The following PPHLN1 variants were observed in gnomAD, a reference collection of about 807,000 sequenced individuals.
PPHLN1 encodes periphilin 1.
A neutral mutation model predicts 51.3 loss-of-function variants in PPHLN1; 29 were observed. That is an observed-to-expected ratio of 0.57 (90% CI 0.42 to 0.77). PPHLN1 has a LOEUF of 0.77. PPHLN1 is among the 30% of genes least tolerant of loss of function. The pLI, the probability that PPHLN1 is intolerant of heterozygous loss-of-function variation, is 0.00. For synonymous variants in PPHLN1, 147 were observed against 147.8 expected (o/e 0.99, Z 0.04); for missense variants, 436 against 438.4 (o/e 0.99, Z 0.05).
At chr12:42,446,532 G>A (rs1306620694), downstream of PPHLN1, 29 of 1,582,510 alleles carry the variant, frequency 1.8e-5, no homozygotes, top group Non-Finnish European at 2.2e-5. Flanking sequence ...TCGCTTCTTA[G>A]TTAGAAAAGA....
intron 9 of PPHLN1, among the ~76,000 whole-genome samples, chr12:42,437,464 G>GT (rs2082579405): frequency 2.0e-5 from 3 of 152,134 alleles, no homozygotes; most frequent in African/African-American, 7.2e-5. Flanking sequence ...GGGCACAAAA[G>GT]TTAAGAAACC....
intron 3 of PPHLN1, among the ~76,000 whole-genome samples, chr12:42,352,455 G>A (rs2073481974): frequency 6.6e-6 from 1 of 151,012 alleles, no homozygotes; most frequent in Admixed American, 6.6e-5. Flanking sequence ...TGTCCCCCAG[G>A]TTGGGGTGCA....
chr12:42,425,824 G>T (rs1270414130), intron 9 of PPHLN1, among the ~76,000 whole-genome samples: 1 of 152,226 alleles, frequency 6.6e-6, no homozygotes, highest in East Asian at 1.9e-4. Context: ...TCTAGGTCCT[G>T]TGTGTGTATA....
chr12:42,404,570 T>A (rs889107761), intron 9 of PPHLN1, among the ~76,000 whole-genome samples: 4 of 126,508 alleles, frequency 3.2e-5, no homozygotes, highest in African/African-American at 6.7e-5. Flanking sequence ...TCATAGCAAG[T>A]TTGTGATATA....
At chr12:42,370,417 C>G (rs2075696832) in intron 4 of PPHLN1, among the ~76,000 whole-genome samples, 1 of 152,152 alleles carries the variant, frequency 6.6e-6, no homozygotes, top group Admixed American at 6.5e-5. Context: ...TTGATGACTT[C>G]TGTAATTACT....
intron 5 of PPHLN1, among the ~76,000 whole-genome samples, chr12:42,378,533 A>C (rs1669910): frequency 0.61 from 92,762 of 151,644 alleles, 28,560 homozygotes; most frequent in Admixed American, 0.67. Flanking sequence ...GAAATTTTGA[A>C]AAAGACGTAA....
intron 9 of PPHLN1, chr12:42,431,968 G>A (rs1465779754): frequency 6.8e-7 from 1 of 1,474,408 alleles, no homozygotes; most frequent in Admixed American, 1.7e-5. Flanking sequence ...GCTGGCATCA[G>A]TGTCTGCAGT....
At chr12:42,343,505 T>A (rs1477957791) in intron 2 of PPHLN1, among the ~76,000 whole-genome samples, 7 of 152,258 alleles carry the variant, frequency 4.6e-5, no homozygotes, top group Non-Finnish European at 7.3e-5. Flanking sequence ...TGTTTTTGAA[T>A]ACATTTCAAA....
chr12:42,414,591 G>T (rs899697300), intron 9 of PPHLN1, among the ~76,000 whole-genome samples: 6 of 152,138 alleles, frequency 3.9e-5, no homozygotes, highest in African/African-American at 1.4e-4. Context: ...GTCGTTGTTG[G>T]TGTATAGCAG....
chr12:42,369,977 T>A (rs1432811467), intron 4 of PPHLN1, among the ~76,000 whole-genome samples: 1 of 152,210 alleles, frequency 6.6e-6, no homozygotes, highest in East Asian at 1.9e-4. Context: ...CTCTAGTTGT[T>A]TCTTGTATTT....
intron 9 of PPHLN1, among the ~76,000 whole-genome samples, chr12:42,421,341 TATTG>T (rs368017376): frequency 2.6e-5 from 4 of 152,056 alleles, no homozygotes; most frequent in South Asian, 4.2e-4. Flanking sequence ...ATCTTTATTT[TATTG>T]ATTGATTGAT....
chr12:42,445,438 A>T (rs2083259184), downstream of PPHLN1: 2 of 300,550 alleles, frequency 6.7e-6, no homozygotes, highest in African/African-American at 4.4e-5. Context: ...GATGTTACAC[A>T]TGTCCCTGAA....
intron 9 of PPHLN1, among the ~76,000 whole-genome samples, chr12:42,402,496 A>G (rs985274711): frequency 6.6e-6 from 1 of 152,168 alleles, no homozygotes; most frequent in African/African-American, 2.4e-5. Context: ...TTGTGCGACT[A>G]TATGGGCTAC....
intron 5 of PPHLN1, among the ~76,000 whole-genome samples, chr12:42,382,803 T>C (rs530783917): frequency 2.6e-5 from 4 of 152,230 alleles, no homozygotes; most frequent in African/African-American, 9.6e-5. Context: ...TAGCAAAATA[T>C]TAAGAAAAAC....
intron 2 of PPHLN1, among the ~76,000 whole-genome samples, chr12:42,337,905 T>C (rs990219210): frequency 3.9e-5 from 6 of 151,988 alleles, no homozygotes; most frequent in East Asian, 3.9e-4. Flanking sequence ...TGCCTCAGCC[T>C]CCTGAGTAGC....
At chr12:42,389,840 A>AT (rs2077531008) in intron 7 of PPHLN1, among the ~76,000 whole-genome samples, 1 of 151,914 alleles carries the variant, frequency 6.6e-6, no homozygotes, top group Non-Finnish European at 1.5e-5. Flanking sequence ...CAGAAATCTT[A>AT]GTAGGTACAT....
downstream of PPHLN1, chr12:42,447,212 G>A (rs907144556): frequency 3.3e-5 from 5 of 152,186 alleles, no homozygotes; most frequent in African/African-American, 1.2e-4. Flanking sequence ...AATATGCCAG[G>A]AATAGTGGAA....
chr12:42,430,175 T>A (rs2081909516), intron 9 of PPHLN1, among the ~76,000 whole-genome samples: 1 of 152,124 alleles, frequency 6.6e-6, no homozygotes, highest in Non-Finnish European at 1.5e-5. Context: ...GTTGAGCCGC[T>A]CACCAAAGGC....
chr12:42,350,442 G>A (rs1200979287), intron 2 of PPHLN1, among the ~76,000 whole-genome samples: 4 of 151,878 alleles, frequency 2.6e-5, no homozygotes, highest in African/African-American at 9.7e-5. Flanking sequence ...CTTCCTAGAT[G>A]GGATGGCAGC....
Sources: allele counts gnomAD v4.1 joint callset (sites outside exome capture counted in the v4.1 genomes callset), GRCh38; gene constraint gnomAD v4.1.1; transcripts MANE v1.5; gene names NCBI Gene and HGNC (gene_info 2026-07-23, HGNC 2026-07-21).